XKR9: variants seen among roughly 807,000 people sequenced by gnomAD.
XKR9 encodes the protein XK related 9.
In XKR9, 32 loss-of-function variants were observed where a neutral mutation model predicts 32.0. That is an observed-to-expected ratio of 1.00 (90% CI 0.76 to 1.34). The LOEUF is 1.34. Ranked by LOEUF, XKR9 falls within the 40% of genes most tolerant of loss-of-function variation. The pLI is 0.00. For missense variants in XKR9, 546 were observed against 429.7 expected, an observed-to-expected ratio of 1.27 and a Z score of -2.39; for synonymous variants, 168 against 143.4, an observed-to-expected ratio of 1.17 and a Z score of -1.22.
chr8:70,848,756 T>A, the XKR9 span, among the ~76,000 whole-genome samples: 3 of 98,850 alleles, frequency 3.0e-5, no homozygotes, highest in Non-Finnish European at 3.9e-5. Context: ...ACCAGGCAAA[T>A]GGAATGCCAA....
At chr8:71,010,205 A>T in the XKR9 span, among the ~76,000 whole-genome samples, 1 of 152,210 alleles carries the variant, frequency 6.6e-6, no homozygotes, top group African/African-American at 2.4e-5. Context: ...ACAGCTGATA[A>T]GAAGTGTTTT....
At chr8:70,685,591 G>A (rs1319036763) in intron 3 of XKR9, among the ~76,000 whole-genome samples, 1 of 151,058 alleles carries the variant, frequency 6.6e-6, no homozygotes, top group Non-Finnish European at 1.5e-5. Context: ...GCAGGAACAT[G>A]GATGAAATTG....
intron 3 of XKR9, among the ~76,000 whole-genome samples, chr8:70,689,963 T>C (rs558558745): frequency 1.3e-5 from 2 of 152,290 alleles, no homozygotes; most frequent in South Asian, 2.1e-4. Flanking sequence ...TTCTTACTTA[T>C]AACTTTCTAA....
intron 3 of XKR9, among the ~76,000 whole-genome samples, chr8:70,690,075 C>T (rs1194535871): frequency 1.3e-5 from 2 of 151,996 alleles, no homozygotes; most frequent in African/African-American, 2.4e-5. Context: ...TAAACAAACA[C>T]TTTACTCTTT....
chr8:70,934,734 G>A, the XKR9 span, among the ~76,000 whole-genome samples: 1 of 151,902 alleles, frequency 6.6e-6, no homozygotes. Flanking sequence ...AATTATGCAT[G>A]TTTATTTAGA....
At chr8:70,914,719 A>G in the XKR9 span, among the ~76,000 whole-genome samples, 3 of 152,128 alleles carry the variant, frequency 2.0e-5, no homozygotes, top group African/African-American at 7.2e-5. Context: ...GAAGTCCTTA[A>G]TTTTAATTAA....
chr8:70,687,506 A>AT (rs1188896088), intron 3 of XKR9, among the ~76,000 whole-genome samples: 1 of 151,818 alleles, frequency 6.6e-6, no homozygotes, highest in Non-Finnish European at 1.5e-5. Flanking sequence ...AGTTGCTAGC[A>AT]TTACAGGCAT....
chr8:70,802,305 T>C, the XKR9 span, among the ~76,000 whole-genome samples: 1 of 152,180 alleles, frequency 6.6e-6, no homozygotes, highest in Non-Finnish European at 1.5e-5. Flanking sequence ...CAACTCCTGC[T>C]TTTTTTCTGT....
the XKR9 span, among the ~76,000 whole-genome samples, chr8:70,994,748 T>G: frequency 1.4e-3 from 39 of 27,838 alleles, no homozygotes; most frequent in African/African-American, 4.6e-3. Context: ...TTATATTCTG[T>G]TTTTTTTTTT....
At chr8:71,031,560 A>G in the XKR9 span, among the ~76,000 whole-genome samples, 1 of 152,240 alleles carries the variant, frequency 6.6e-6, no homozygotes, top group Non-Finnish European at 1.5e-5. Flanking sequence ...GAGGCAATGC[A>G]TAATACTTGA....
chr8:70,749,926 C>T lies in XKR9; in HGVS notation n.353-39413C>T, dbSNP rs115812544. ...ATTTAGAAAATATAATCTACTGAGA[C>T]TGTTAAATACAAGTAGTGATTAGAT... On this transcript the variant is annotated intron_variant and non_coding_transcript_variant, in intron 2 of 3. Transcript: ENST00000520273. Among the ~76,000 whole-genome samples, 311 of 152,202 alleles carry T rather than the reference C, an allele frequency of 2.0e-3. 2 individuals carry two copies. Among genetic ancestry groups the T allele is most frequent in the African/African-American group, 7.3e-3 (303 of 41,508 alleles).
At chr8:70,987,898 C>G in the XKR9 span, among the ~76,000 whole-genome samples, 1 of 152,204 alleles carries the variant, frequency 6.6e-6, no homozygotes, top group Non-Finnish European at 1.5e-5. Flanking sequence ...AACCTCAATT[C>G]TTGACTTCTC....
At chr8:71,042,757 A>G in the XKR9 span, among the ~76,000 whole-genome samples, 2 of 152,206 alleles carry the variant, frequency 1.3e-5, no homozygotes, top group Non-Finnish European at 2.9e-5. Flanking sequence ...CTGTATGGAT[A>G]ACCTCATTCA....
chr8:70,766,606 T>A (rs1807379199), intron 2 of XKR9, among the ~76,000 whole-genome samples: 1 of 152,216 alleles, frequency 6.6e-6, no homozygotes, highest in Non-Finnish European at 1.5e-5. Flanking sequence ...CTTGCCTGAT[T>A]GCCCTGGCCA....
chr8:70,782,490 A>G (rs1448578686), intron 2 of XKR9, among the ~76,000 whole-genome samples: 2 of 151,956 alleles, frequency 1.3e-5, no homozygotes, highest in Non-Finnish European at 2.9e-5. Flanking sequence ...AGTTGTAAAA[A>G]AAAATTCCTT....
the XKR9 span, among the ~76,000 whole-genome samples, chr8:70,821,900 T>C: frequency 6.6e-6 from 1 of 152,164 alleles, no homozygotes; most frequent in East Asian, 1.9e-4. Context: ...GGAGACATTT[T>C]CCCCATTGTC....
chr8:70,750,244 G>T (rs896240958), intron 2 of XKR9, among the ~76,000 whole-genome samples: 2 of 152,134 alleles, frequency 1.3e-5, no homozygotes, highest in African/African-American at 4.8e-5. Context: ...GCATTTCTAT[G>T]TTGCTCTGTG....
chr8:70,837,513 A>G, the XKR9 span, among the ~76,000 whole-genome samples: 3 of 152,116 alleles, frequency 2.0e-5, no homozygotes, highest in African/African-American at 7.2e-5. Context: ...TGGGAGCAGG[A>G]TAAAGAACAG....
chr8:70,787,856 G>T (rs532927068), intron 2 of XKR9, among the ~76,000 whole-genome samples: 1 of 152,048 alleles, frequency 6.6e-6, no homozygotes, highest in South Asian at 2.1e-4. Flanking sequence ...TTTAGTGAAA[G>T]GATTATTAAG....
Sources: allele counts gnomAD v4.1 joint callset (sites outside exome capture counted in the v4.1 genomes callset), GRCh38; gene constraint gnomAD v4.1.1; transcripts MANE v1.5; gene names NCBI Gene and HGNC (gene_info 2026-07-23, HGNC 2026-07-21).